Variants in ZNF804B observed in about 807,000 individuals in gnomAD.
The protein encoded by ZNF804B is zinc finger 804B.
A neutral mutation model predicts 101.4 loss-of-function variants in ZNF804B; 80 were observed. The observed-to-expected ratio is 0.79, with a 90% CI of 0.66 to 0.95. The LOEUF is 0.95. ZNF804B is among the 40% of genes least tolerant of loss of function. The pLI, the probability that ZNF804B is intolerant of heterozygous loss-of-function variation, is 0.00. For missense variants in ZNF804B, 1,673 were observed against 1,561.9 expected (o/e 1.07, Z -1.20); for synonymous variants, 622 against 558.8 (o/e 1.11, Z -1.59).
chr7:89,032,530 C>T (rs1788854308), intron 1 of ZNF804B, among the ~76,000 whole-genome samples: 1 of 151,950 alleles, frequency 6.6e-6, no homozygotes, highest in Non-Finnish European at 1.5e-5. Context: ...TTCAAAATTA[C>T]AAGGTTATCT....
intron 1 of ZNF804B, among the ~76,000 whole-genome samples, chr7:89,079,078 A>G (rs1232573736): frequency 6.6e-6 from 1 of 152,066 alleles, no homozygotes; most frequent in African/African-American, 2.4e-5. Flanking sequence ...GCTTTTAAGT[A>G]TATCAAATTC....
At chr7:89,332,337 G>A (rs1382549990) in intron 3 of ZNF804B, among the ~76,000 whole-genome samples, 1 of 151,722 alleles carries the variant, frequency 6.6e-6, no homozygotes, top group Non-Finnish European at 1.5e-5. Flanking sequence ...AGCAACATAT[G>A]GAAGAGATAC....
At chr7:88,861,655 A>G (rs1286830051) in intron 1 of ZNF804B, among the ~76,000 whole-genome samples, 2 of 152,174 alleles carry the variant, frequency 1.3e-5, no homozygotes, top group African/African-American at 4.8e-5. Flanking sequence ...GTGTCACTGT[A>G]ATAACATATC....
At chr7:89,223,096 T>C (rs542785495) in intron 2 of ZNF804B, among the ~76,000 whole-genome samples, 82 of 151,944 alleles carry the variant, frequency 5.4e-4, no homozygotes, top group Non-Finnish European at 9.6e-4. Context: ...TTCTTGATTA[T>C]GATAATGATT....
chr7:89,186,968 C>G (rs984198550), intron 1 of ZNF804B, among the ~76,000 whole-genome samples: 1 of 152,084 alleles, frequency 6.6e-6, no homozygotes, highest in Non-Finnish European at 1.5e-5. Flanking sequence ...CTTTTCTAGC[C>G]CCTGCCTTTC....
At chr7:89,132,424 C>T (rs949135057) in intron 1 of ZNF804B, among the ~76,000 whole-genome samples, 1 of 151,724 alleles carries the variant, frequency 6.6e-6, no homozygotes, top group Non-Finnish European at 1.5e-5. Flanking sequence ...AAATAAAATC[C>T]CACAGGTCCA....
intron 1 of ZNF804B, among the ~76,000 whole-genome samples, chr7:88,965,655 G>T (rs1356471114): frequency 6.6e-6 from 1 of 151,458 alleles, no homozygotes; most frequent in Non-Finnish European, 1.5e-5. Context: ...CATGTAAATT[G>T]AATTCTAAGA....
chr7:88,970,271 T>C (rs1793512144), intron 1 of ZNF804B, among the ~76,000 whole-genome samples: 1 of 151,586 alleles, frequency 6.6e-6, no homozygotes, highest in Admixed American at 6.6e-5. Context: ...ACATGTGCCA[T>C]GGTGGTTTGC....
At chr7:89,230,333 G>A (rs905916789) in intron 2 of ZNF804B, among the ~76,000 whole-genome samples, 7 of 151,588 alleles carry the variant, frequency 4.6e-5, no homozygotes, top group East Asian at 1.9e-4. Context: ...GAGAATGAGC[G>A]AGTTAGGATA....
chr7:89,093,028 C>G (rs971268634), intron 1 of ZNF804B, among the ~76,000 whole-genome samples: 1 of 151,972 alleles, frequency 6.6e-6, no homozygotes, highest in African/African-American at 2.4e-5. Context: ...TATATGTAAC[C>G]ATTTGTATTT....
intron 1 of ZNF804B, among the ~76,000 whole-genome samples, chr7:89,015,484 C>T (rs767965704): frequency 1.1e-4 from 16 of 151,830 alleles, no homozygotes; most frequent in South Asian, 4.2e-4. Flanking sequence ...TATCCCTCCC[C>T]GCTCCCCCCA....
chr7:88,798,238 G>A (rs1790521940), intron 1 of ZNF804B, among the ~76,000 whole-genome samples: 1 of 151,944 alleles, frequency 6.6e-6, no homozygotes, highest in Non-Finnish European at 1.5e-5. Flanking sequence ...TTCTCACCAT[G>A]TGTGCTTTTT....
chr7:89,106,753 A>T (rs1790142686), intron 1 of ZNF804B, among the ~76,000 whole-genome samples: 1 of 152,254 alleles, frequency 6.6e-6, no homozygotes, highest in South Asian at 2.1e-4. Context: ...GAATAAAGAG[A>T]TAGGTAAGTG....
intron 1 of ZNF804B, among the ~76,000 whole-genome samples, chr7:89,005,261 A>G (rs1024311077): frequency 1.3e-5 from 2 of 152,058 alleles, no homozygotes; most frequent in Admixed American, 6.6e-5. Context: ...GATGGGTTAC[A>G]AGGTTACAAA....
intron 1 of ZNF804B, among the ~76,000 whole-genome samples, chr7:89,156,045 TTTC>T (rs1205056474): frequency 2.2e-5 from 2 of 89,770 alleles, no homozygotes; most frequent in Non-Finnish European, 5.2e-5. Flanking sequence ...TCTTTCTTTC[TTTC>T]TTTCTTTCTT....
At chr7:89,145,576 AT>A (rs1195988937) in intron 1 of ZNF804B, among the ~76,000 whole-genome samples, 1 of 152,058 alleles carries the variant, frequency 6.6e-6, no homozygotes. Flanking sequence ...CAGCCATCAT[AT>A]TTTTATTTAA....
chr7:89,015,319 T>A (rs1160264985), intron 1 of ZNF804B, among the ~76,000 whole-genome samples: 1 of 151,214 alleles, frequency 6.6e-6, no homozygotes, highest in African/African-American at 2.4e-5. Context: ...TTTTTTTTAA[T>A]TATTTTATTT....
At chr7:88,806,975 T>G (rs1583948450) in intron 1 of ZNF804B, among the ~76,000 whole-genome samples, 1 of 152,154 alleles carries the variant, frequency 6.6e-6, no homozygotes, top group South Asian at 2.1e-4. Flanking sequence ...GTCATATTAT[T>G]ATATTGGAAT....
At chr7:88,807,919 T>G (rs1790717581) in intron 1 of ZNF804B, among the ~76,000 whole-genome samples, 1 of 152,142 alleles carries the variant, frequency 6.6e-6, no homozygotes, top group African/African-American at 2.4e-5. Flanking sequence ...GTCAAAGAAG[T>G]TCCTACAACT....
Sources: gnomAD v4.1 joint callset for allele counts (sites outside exome capture counted in the v4.1 genomes callset) on GRCh38, gnomAD v4.1.1 for gene constraint, MANE v1.5 for transcripts, NCBI Gene and HGNC (gene_info 2026-07-23, HGNC 2026-07-21) for gene names.